Variants in NKAIN2 observed in about 807,000 individuals in gnomAD.
NKAIN2 encodes sodium/potassium-transporting ATPase subunit beta-1-interacting protein 2.
NKAIN2 carries 14 observed loss-of-function variants against 32.6 expected under a neutral mutation model. That is an observed-to-expected ratio of 0.43 (90% CI 0.28 to 0.67). NKAIN2 has a LOEUF of 0.67. NKAIN2 is among the 30% of genes least tolerant of loss of function. The pLI, the probability that NKAIN2 is intolerant of heterozygous loss-of-function variation, is 0.17. For synonymous variants in NKAIN2, 80 were observed against 87.2 expected (o/e 0.92, Z 0.46); for missense variants, 198 against 258.3 (o/e 0.77, Z 1.60).
chr6:124,507,669 TTAATCC>T (rs1778539149), intron 3 of NKAIN2, among the ~76,000 whole-genome samples: 1 of 152,162 alleles, frequency 6.6e-6, no homozygotes. Context: ...AAGAGGACAC[TTAATCC>T]TAATACTCAA....
intron 4 of NKAIN2, among the ~76,000 whole-genome samples, chr6:124,698,310 T>C (rs1397800386): frequency 6.6e-6 from 1 of 152,144 alleles, no homozygotes; most frequent in Non-Finnish European, 1.5e-5. Context: ...AATTGACCTT[T>C]TTAATTTTTT....
intron 2 of NKAIN2, among the ~76,000 whole-genome samples, chr6:124,342,366 C>T (rs1157891770): frequency 6.7e-6 from 1 of 149,860 alleles, no homozygotes; most frequent in Non-Finnish European, 1.5e-5. Flanking sequence ...CCGAGATTGC[C>T]CCACTGCACT....
At chr6:124,075,385 T>A (rs1244245874) in intron 1 of NKAIN2, among the ~76,000 whole-genome samples, 1 of 152,210 alleles carries the variant, frequency 6.6e-6, no homozygotes, top group African/African-American at 2.4e-5. Context: ...CATGATATCT[T>A]AATTGACATT....
Position 124,218,152 on chromosome 6 carries a change from A to G in NKAIN2, c.55-64853A>G, listed in dbSNP as rs139137834. 1.9e-3 allele frequency among the ~76,000 whole-genome samples: 294 copies of G among 151,246 alleles called. 1 individual carries two copies. Among genetic ancestry groups the G allele is most frequent in the African/African-American group, 7.1e-3 (287 of 40,700 alleles). On this transcript the variant is annotated intron_variant, in intron 1 of 6. Coordinates refer to ENST00000368417, the MANE Select transcript of NKAIN2 (RefSeq NM_001040214.3). ...AGAATGTTCTAAAAATACCTCATTC[A>G]ATAAGTACATCTTGCTAGTTGACAC...
At chr6:124,568,606 C>T (rs1329652743) in intron 3 of NKAIN2, among the ~76,000 whole-genome samples, 5 of 152,006 alleles carry the variant, frequency 3.3e-5, no homozygotes, top group African/African-American at 1.2e-4. Flanking sequence ...CATTGATATA[C>T]TGAATTTATC....
intron 4 of NKAIN2, among the ~76,000 whole-genome samples, chr6:124,735,229 G>C (rs1363959487): frequency 6.6e-6 from 1 of 151,884 alleles, no homozygotes; most frequent in African/African-American, 2.4e-5. Flanking sequence ...ACCTCTGTAG[G>C]CTTCTCAGTT....
chr6:123,984,096 A>G (rs368854940), intron 1 of NKAIN2, among the ~76,000 whole-genome samples: 30 of 152,170 alleles, frequency 2.0e-4, no homozygotes, highest in African/African-American at 7.0e-4. Flanking sequence ...TAGTAGAGAC[A>G]GAGTTTCACC....
At chr6:124,280,525 G>T (rs1459050128) in intron 1 of NKAIN2, among the ~76,000 whole-genome samples, 1 of 152,066 alleles carries the variant, frequency 6.6e-6, no homozygotes, top group African/African-American at 2.4e-5. Flanking sequence ...CCACAGCTTG[G>T]ATTCCTTAAT....
intron 1 of NKAIN2, among the ~76,000 whole-genome samples, chr6:124,251,087 A>G (rs1793674162): frequency 6.6e-6 from 1 of 152,066 alleles, no homozygotes; most frequent in Non-Finnish European, 1.5e-5. Context: ...TTAAAATAGG[A>G]CAATGTACAC....
chr6:124,443,478 T>C (rs1583261743), intron 3 of NKAIN2, among the ~76,000 whole-genome samples: 1 of 152,130 alleles, frequency 6.6e-6, no homozygotes, highest in Non-Finnish European at 1.5e-5. Flanking sequence ...ATGCCATGTC[T>C]GGTATAATGG....
intron 4 of NKAIN2, among the ~76,000 whole-genome samples, chr6:124,726,224 C>A (rs1393585603): frequency 4.6e-5 from 7 of 151,608 alleles, no homozygotes; most frequent in East Asian, 3.9e-4. Context: ...AGGAGGCCTG[C>A]CTGCCTCTGT....
chr6:124,060,016 C>T (rs1269584718), intron 1 of NKAIN2, among the ~76,000 whole-genome samples: 7 of 152,158 alleles, frequency 4.6e-5, no homozygotes, highest in Admixed American at 2.6e-4. Flanking sequence ...TTCCAAAGTT[C>T]GAGTATGAAC....
chr6:124,621,615 C>T lies in NKAIN2; in HGVS notation c.274-36571C>T, dbSNP rs562207917. On this transcript the variant is annotated intron_variant, in intron 3 of 6. Coordinates refer to ENST00000368417, the MANE Select transcript of NKAIN2 (RefSeq NM_001040214.3). ...CTCAGGTCAGAGACTGTCTGTGATC[C>T]CTGAGCTGGGCTGAAGCTGTCATTT... 2.0e-5 allele frequency among the ~76,000 whole-genome samples: 3 copies of T among 152,232 alleles called. No individual in the cohort carries two copies. In the South Asian group the frequency reaches 6.2e-4, roughly 32 times the overall value.
At chr6:124,529,790 G>A (rs552405630) in intron 3 of NKAIN2, among the ~76,000 whole-genome samples, 76 of 152,270 alleles carry the variant, frequency 5.0e-4, no homozygotes, top group African/African-American at 1.8e-3. Flanking sequence ...TACTACTCAT[G>A]TTATAATTTT....
chr6:124,017,809 T>G (rs1780656598), intron 1 of NKAIN2, among the ~76,000 whole-genome samples: 1 of 151,992 alleles, frequency 6.6e-6, no homozygotes, highest in Non-Finnish European at 1.5e-5. Context: ...TTTCCCAGCC[T>G]GGCATTTAGT....
chr6:123,872,151 AG>A (rs1299479269), intron 1 of NKAIN2, among the ~76,000 whole-genome samples: 2 of 151,996 alleles, frequency 1.3e-5, no homozygotes, highest in Non-Finnish European at 2.9e-5. Context: ...TATTTGTCTT[AG>A]GTTGAATTAT....
At chr6:124,721,883 G>T (rs1180482640) in intron 4 of NKAIN2, among the ~76,000 whole-genome samples, 1 of 152,160 alleles carries the variant, frequency 6.6e-6, no homozygotes, top group Non-Finnish European at 1.5e-5. Context: ...TTATTAAGTA[G>T]TATTAAGTAC....
At chr6:124,537,576 TTTG>T in intron 3 of NKAIN2, among the ~76,000 whole-genome samples, 1 of 152,128 alleles carries the variant, frequency 6.6e-6, no homozygotes. Flanking sequence ...TTAAAACAGG[TTTG>T]TTGTTTAAAT....
chr6:124,001,009 A>G (rs1319705609), intron 1 of NKAIN2, among the ~76,000 whole-genome samples: 1 of 152,116 alleles, frequency 6.6e-6, no homozygotes, highest in Non-Finnish European at 1.5e-5. Context: ...ACAAAGCTTG[A>G]CACATATTAC....
Sources: allele counts gnomAD v4.1 joint callset (sites outside exome capture counted in the v4.1 genomes callset), GRCh38; gene constraint gnomAD v4.1.1; transcripts MANE v1.5; gene names NCBI Gene and HGNC (gene_info 2026-07-23, HGNC 2026-07-21).